The following TRAPPC9 variants were observed in gnomAD, a reference collection of about 807,000 sequenced individuals.
The protein encoded by TRAPPC9 is trafficking protein particle complex subunit 9.
Under a neutral mutation model 124.0 loss-of-function variants are expected in TRAPPC9, and 83 were observed. That is an observed-to-expected ratio of 0.67 (90% CI 0.56 to 0.80). TRAPPC9 has a LOEUF of 0.80. TRAPPC9 is among the 30% of genes least tolerant of loss of function. The pLI, the probability that TRAPPC9 is intolerant of heterozygous loss-of-function variation, is 0.00. For synonymous variants in TRAPPC9, 638 were observed against 617.5 expected (o/e 1.03, Z -0.49); for missense variants, 1,302 against 1,508.3 (o/e 0.86, Z 2.27).
At chr8:139,792,588 G>A (rs1002337103) in intron 21 of TRAPPC9, among the ~76,000 whole-genome samples, 1 of 152,188 alleles carries the variant, frequency 6.6e-6, no homozygotes, top group Non-Finnish European at 1.5e-5. Flanking sequence ...CCAGGCTGGG[G>A]AGCCAGGGCC....
intron 17 of TRAPPC9, among the ~76,000 whole-genome samples, chr8:140,178,439 C>T (rs554316705): frequency 6.6e-6 from 1 of 152,246 alleles, no homozygotes; most frequent in South Asian, 2.1e-4. Flanking sequence ...CTTGCATTCT[C>T]AGAATAAATC....
chr8:140,189,012 C>G (rs1276743087), intron 17 of TRAPPC9, among the ~76,000 whole-genome samples: 1 of 152,174 alleles, frequency 6.6e-6, no homozygotes, highest in Admixed American at 6.5e-5. Context: ...ACAACATGGC[C>G]CAAATAACAC....
In TRAPPC9 at chr8:140,287,748, C is replaced by A; in HGVS notation, c.1855-14G>T. On this transcript the variant is annotated splice_polypyrimidine_tract_variant and intron_variant, in intron 12 of 22. Transcript: ENST00000438773. ...GGTGAGCAGCCCCTAAACCAAGCGA[C>A]GCAGCATCGTAAGCCCGGAGCAAAC... 6.2e-7 allele frequency: 1 copy of A among 1,614,068 alleles called. No homozygotes were observed. The highest frequency in any genetic ancestry group is 1.1e-5 in the South Asian group (1 of 91,076).
intron 18 of TRAPPC9, 38 bp downstream of exon 18, chr8:140,023,899 T>G: frequency 6.2e-7 from 1 of 1,613,700 alleles, no homozygotes; most frequent in Non-Finnish European, 8.5e-7. Flanking sequence ...CTGTTGAGAC[T>G]CTAGAACAAG....
intron 20 of TRAPPC9, among the ~76,000 whole-genome samples, chr8:139,906,277 G>C (rs138214142): frequency 6.6e-6 from 1 of 152,164 alleles, no homozygotes; most frequent in Non-Finnish European, 1.5e-5. Context: ...CCCTGTGCCC[G>C]GCCAGTGCCC....
At chr8:140,049,181 C>T (rs1294867862) in intron 17 of TRAPPC9, among the ~76,000 whole-genome samples, 1 of 152,172 alleles carries the variant, frequency 6.6e-6, no homozygotes, top group Admixed American at 6.5e-5. Flanking sequence ...TAAAGTAAAC[C>T]CCCACGTTCG....
At chr8:140,435,809 G>A (rs1315751339) in intron 3 of TRAPPC9, among the ~76,000 whole-genome samples, 3 of 152,136 alleles carry the variant, frequency 2.0e-5, no homozygotes, top group South Asian at 4.1e-4. Context: ...CTCTCATGAC[G>A]TAACAACCTA....
intron 16 of TRAPPC9, among the ~76,000 whole-genome samples, chr8:140,233,727 CAG>C (rs1178852101): frequency 2.8e-5 from 4 of 143,126 alleles, no homozygotes; most frequent in Non-Finnish European, 6.1e-5. Flanking sequence ...TTTTCTGCCA[CAG>C]AGTTTTTACA....
chr8:140,034,092 T>A (rs567030231), intron 17 of TRAPPC9, among the ~76,000 whole-genome samples: 1 of 152,344 alleles, frequency 6.6e-6, no homozygotes, highest in African/African-American at 2.4e-5. Flanking sequence ...TAGGGAATCA[T>A]CAACTTTACT....
intron 6 of TRAPPC9, among the ~76,000 whole-genome samples, chr8:140,403,028 C>T (rs890980123): frequency 2.0e-5 from 3 of 152,168 alleles, no homozygotes; most frequent in Non-Finnish European, 4.4e-5. Context: ...CATAGATTAT[C>T]TCAGCTTATC....
chr8:139,868,450 T>G (rs1372609002), intron 21 of TRAPPC9, among the ~76,000 whole-genome samples: 1 of 152,220 alleles, frequency 6.6e-6, no homozygotes, highest in Non-Finnish European at 1.5e-5. Flanking sequence ...ATTATTTCCT[T>G]TCTTTCCTCT....
At chr8:140,050,647 C>T (rs1039103955) in intron 17 of TRAPPC9, among the ~76,000 whole-genome samples, 1 of 152,140 alleles carries the variant, frequency 6.6e-6, no homozygotes, top group East Asian at 1.9e-4. Context: ...GCACCTCCAC[C>T]CGGGGCACAG....
At chr8:139,755,805 G>T (rs1337119781) in intron 21 of TRAPPC9, among the ~76,000 whole-genome samples, 1 of 139,534 alleles carries the variant, frequency 7.2e-6, no homozygotes, top group African/African-American at 2.8e-5. Context: ...GAGGAGCCAG[G>T]GTTGGGGTAT....
At position 139,987,109 on chromosome 8, in the gene TRAPPC9, T is replaced by C. The variant is rs568405224; in HGVS notation, c.2810+1617A>G. On this transcript the variant is annotated intron_variant, in intron 19 of 22. Transcript: ENST00000438773. ...TGTGTATGAGTAATTCATTCGTTTT[T>C]GTTGCAGAGTACCACACCATTCCGT... is the stretch of plus-strand genomic sequence containing the variant. 2.8e-4 allele frequency among the ~76,000 whole-genome samples: 42 copies of C among 152,324 alleles called. No individual in the cohort carries two copies. The South Asian group carries it at 8.5e-3, about 31-fold the overall frequency.
chr8:140,440,082 A>G (rs571587324), intron 2 of TRAPPC9, among the ~76,000 whole-genome samples: 8 of 152,334 alleles, frequency 5.3e-5, no homozygotes, highest in Non-Finnish European at 8.8e-5. Flanking sequence ...TCCATTCTGA[A>G]TAAGTTTTAA....
At chr8:139,734,004 C>T (rs774281065) in intron 21 of TRAPPC9, among the ~76,000 whole-genome samples, 1 of 152,248 alleles carries the variant, frequency 6.6e-6, no homozygotes, top group Non-Finnish European at 1.5e-5. Flanking sequence ...AGGAGGAAAG[C>T]ACCTTCTAAG....
rs138715975 is a variant in TRAPPC9, at chr8:139,753,494, G to A, written c.3056-21292C>T. On this transcript the variant is annotated intron_variant, in intron 21 of 22. Transcript: ENST00000438773. ...CCAATAGCCGTTCATGCGTTTTACC[G>A]TTTTACTGATTTGTTCTGCTCTTCC... is the stretch of plus-strand genomic sequence containing the variant. Among the ~76,000 whole-genome samples the A allele has an allele frequency of 1.3e-3, 194 of 152,152 alleles. 1 individual carries two copies. The highest frequency in any genetic ancestry group is 4.3e-3 in the African/African-American group (177 of 41,490).
At position 139,768,285 on chromosome 8, in the gene TRAPPC9, T is replaced by C. The variant is rs1424208898; in HGVS notation, c.3056-36083A>G. Among the ~76,000 whole-genome samples the C allele has an allele frequency of 3.3e-5, 5 of 152,338 alleles. No individual in the cohort carries two copies. The East Asian group carries it at 9.7e-4, about 29-fold the overall frequency. Reference sequence around the variant, plus strand: ...GCAGTCATTTACTCAGCATTGAGGATCTGGTGCCTCCCAGGTGCTGGACCC... The same window carrying C: ...GCAGTCATTTACTCAGCATTGAGGACCTGGTGCCTCCCAGGTGCTGGACCC... On this transcript the variant is annotated intron_variant, in intron 21 of 22. Coordinates refer to ENST00000438773, the MANE Select transcript of TRAPPC9 (RefSeq NM_001160372.4).
At chr8:140,457,842 G>A (rs990158241), upstream of TRAPPC9, 132 of 1,117,940 alleles carry the variant, frequency 1.2e-4, no homozygotes, top group Non-Finnish European at 1.4e-4. Flanking sequence ...GAAGCAAGGG[G>A]GTAGGAGCGA....
Sources: gnomAD v4.1 joint callset for allele counts (sites outside exome capture counted in the v4.1 genomes callset) on GRCh38, gnomAD v4.1.1 for gene constraint, MANE v1.5 for transcripts, NCBI Gene and HGNC (gene_info 2026-07-23, HGNC 2026-07-21) for gene names.